The following PRKCH variants were observed in gnomAD, a reference collection of about 807,000 sequenced individuals.
PRKCH encodes the protein protein kinase C eta, also known as protein kinase C eta type.
A neutral mutation model predicts 82.5 loss-of-function variants in PRKCH; 28 were observed. That is an observed-to-expected ratio of 0.34 (90% CI 0.25 to 0.47). The LOEUF (loss-of-function observed/expected upper bound fraction) is 0.47, where lower values mean the gene tolerates loss of function less well. Ranked by LOEUF, PRKCH falls within the 20% of genes least tolerant of loss-of-function variation. The pLI, the probability that PRKCH is intolerant of heterozygous loss-of-function variation, is 1.00. For synonymous variants in PRKCH, 322 were observed against 327.4 expected (o/e 0.98, Z 0.18); for missense variants, 705 against 881.8 (o/e 0.80, Z 2.54).
chr14:61,539,511 C>G (rs544210631), intron 12 of PRKCH, among the ~76,000 whole-genome samples: 12 of 152,298 alleles, frequency 7.9e-5, no homozygotes, highest in Non-Finnish European at 1.8e-4. Flanking sequence ...CAGTTACAAC[C>G]TGCCAGGTAA....
At chr14:61,288,411 C>G (rs1046857943) in intron 1 of PRKCH, among the ~76,000 whole-genome samples, 10 of 152,118 alleles carry the variant, frequency 6.6e-5, no homozygotes, top group Non-Finnish European at 2.9e-5. Context: ...AACATACTTT[C>G]AATTCCATTA....
At position 61,535,981 on chromosome 14, in the gene PRKCH, C is replaced by T. The variant is rs181809982; in HGVS notation, c.1761+5386C>T. Among the ~76,000 whole-genome samples the T allele has an allele frequency of 6.1e-4, 93 of 152,320 alleles. No homozygotes were observed. The Middle Eastern group carries it at 0.01, about 17-fold the overall frequency. ...AATGAATATCTTTTATAAACAAGCT[C>T]AGCGTGTGTGTATGAAGAAACATTT... On this transcript the variant is annotated intron_variant, in intron 12 of 13. Transcript: ENST00000332981.
chr14:61,445,203 G>A (rs1170549111), intron 3 of PRKCH, among the ~76,000 whole-genome samples: 1 of 152,254 alleles, frequency 6.6e-6, no homozygotes, highest in Non-Finnish European at 1.5e-5. Flanking sequence ...TATTGTGGCA[G>A]CAACTCTGCC....
At chr14:61,483,623 G>T (rs531975647) in intron 9 of PRKCH, among the ~76,000 whole-genome samples, 2 of 152,282 alleles carry the variant, frequency 1.3e-5, no homozygotes, top group Admixed American at 1.3e-4. Context: ...CTTCTGATAG[G>T]GGTCTGCGTG....
chr14:61,429,249 A>C (rs925117978), intron 2 of PRKCH, among the ~76,000 whole-genome samples: 1 of 152,124 alleles, frequency 6.6e-6, no homozygotes, highest in Non-Finnish European at 1.5e-5. Context: ...GAAAGGGCAC[A>C]GATTTTTATA....
chr14:61,464,184 A>G (rs527543457), intron 9 of PRKCH, among the ~76,000 whole-genome samples: 1 of 152,274 alleles, frequency 6.6e-6, no homozygotes, highest in South Asian at 2.1e-4. Context: ...ATTCCCACCA[A>G]CAGTGTACAA....
At chr14:61,293,481 T>G (rs1307153181) in intron 1 of PRKCH, among the ~76,000 whole-genome samples, 1 of 152,216 alleles carries the variant, frequency 6.6e-6, no homozygotes, top group Non-Finnish European at 1.5e-5. Context: ...CAAGTAGATA[T>G]GGAATCTTAT....
chr14:61,216,739 T>C (rs545940025), intron 1 of PRKCH, among the ~76,000 whole-genome samples: 12 of 152,336 alleles, frequency 7.9e-5, no homozygotes, highest in Admixed American at 7.8e-4. Flanking sequence ...TGGTTTTGAC[T>C]CGGCTCGAAC....
intron 12 of PRKCH, among the ~76,000 whole-genome samples, chr14:61,531,071 C>G (rs2043038977): frequency 6.6e-6 from 1 of 152,200 alleles, no homozygotes; most frequent in African/African-American, 2.4e-5. Flanking sequence ...CTCTGCAGAT[C>G]TATTTTGCCT....
At chr14:61,265,077 C>G (rs1461929712) in intron 1 of PRKCH, among the ~76,000 whole-genome samples, 1 of 152,064 alleles carries the variant, frequency 6.6e-6, no homozygotes, top group African/African-American at 2.4e-5. Context: ...TTGGAAGGAA[C>G]CAAATCCAAA....
intron 1 of PRKCH, among the ~76,000 whole-genome samples, chr14:61,257,612 C>CAG (rs1199122089): frequency 7.9e-5 from 4 of 50,514 alleles, no homozygotes; most frequent in Non-Finnish European, 1.9e-4. Context: ...CAGACACACA[C>CAG]ACACACACAC....
At chr14:61,447,666 G>A (rs1183726968) in intron 4 of PRKCH, among the ~76,000 whole-genome samples, 4 of 152,112 alleles carry the variant, frequency 2.6e-5, no homozygotes, top group Non-Finnish European at 5.9e-5. Flanking sequence ...AATATTGGAA[G>A]GTTAAATGTC....
intron 1 of PRKCH, among the ~76,000 whole-genome samples, chr14:61,344,907 T>C (rs192718121): frequency 2.0e-5 from 3 of 152,216 alleles, no homozygotes; most frequent in East Asian, 1.9e-4. Flanking sequence ...AACCCCCCAG[T>C]TGATTGATTG....
chr14:61,393,153 C>T (rs991395768), intron 2 of PRKCH, among the ~76,000 whole-genome samples: 2 of 152,164 alleles, frequency 1.3e-5, no homozygotes, highest in African/African-American at 4.8e-5. Context: ...TACACTGTCT[C>T]ATTACTGTTG....
At chr14:61,330,280 T>C (rs1276419242) in intron 1 of PRKCH, among the ~76,000 whole-genome samples, 1 of 152,232 alleles carries the variant, frequency 6.6e-6, no homozygotes, top group Non-Finnish European at 1.5e-5. Flanking sequence ...GTTAAATGAC[T>C]GTGAACAGTC....
chr14:61,546,633 A>G (rs2043261244), intron 12 of PRKCH, among the ~76,000 whole-genome samples: 1 of 152,108 alleles, frequency 6.6e-6, no homozygotes, highest in Non-Finnish European at 1.5e-5. Flanking sequence ...CTTCAACAAG[A>G]TTTTCTCTGT....
At chr14:61,320,602 A>C (rs7141516), upstream of PRKCH, among the ~76,000 whole-genome samples, 1,243 of 151,500 alleles carry the variant, frequency 8.2e-3, 7 homozygotes, top group South Asian at 0.019. Context: ...TCCGTCTCAA[A>C]AACAACAACA....
chr14:61,389,398 C>T (rs1025288682), intron 1 of PRKCH, among the ~76,000 whole-genome samples: 5 of 151,060 alleles, frequency 3.3e-5, no homozygotes, highest in East Asian at 3.9e-4. Context: ...GTGTTAGAAA[C>T]GCTAGGCCAA....
intron 1 of PRKCH, among the ~76,000 whole-genome samples, chr14:61,336,598 C>T (rs2045860111): frequency 1.3e-5 from 2 of 152,108 alleles, no homozygotes; most frequent in Admixed American, 1.3e-4. Context: ...CAGAAAGAGG[C>T]CTTTGAAAAG....
Sources: gnomAD v4.1 joint callset for allele counts (sites outside exome capture counted in the v4.1 genomes callset) on GRCh38, gnomAD v4.1.1 for gene constraint, MANE v1.5 for transcripts, NCBI Gene and HGNC (gene_info 2026-07-23, HGNC 2026-07-21) for gene names.